LPP: variants seen among roughly 807,000 people sequenced by gnomAD.
The protein encoded by LPP is lipoma-preferred partner.
Under a neutral mutation model 60.4 loss-of-function variants are expected in LPP, and 38 were observed. The ratio of observed to expected loss-of-function variants is 0.63; its 90% CI spans 0.49 to 0.83. LPP has a LOEUF of 0.83. LPP is among the 40% of genes least tolerant of loss of function. The pLI, the probability that LPP is intolerant of heterozygous loss-of-function variation, is 0.00. For missense variants in LPP, 902 were observed against 783.6 expected (o/e 1.15, Z -1.80); for synonymous variants, 328 against 290.8 (o/e 1.13, Z -1.30).
At chr3:188,519,479 G>T (rs372089628) in intron 5 of LPP, among the ~76,000 whole-genome samples, 140 of 152,330 alleles carry the variant, frequency 9.2e-4, no homozygotes, top group African/African-American at 3.2e-3. Context: ...ATTTTATGAT[G>T]TGATCCTTGG....
chr3:188,456,602 C>G (rs1440128558), intron 4 of LPP, among the ~76,000 whole-genome samples: 1 of 152,126 alleles, frequency 6.6e-6, no homozygotes, highest in Non-Finnish European at 1.5e-5. Flanking sequence ...GTAGGTATGC[C>G]TAAAGGCGTG....
Position 188,881,389 on chromosome 3 carries a change from C to G in LPP, c.*6910C>G, listed in dbSNP as rs1392445321. The G allele has an allele frequency of 4.9e-6, 1 of 202,882 alleles. No individual in the cohort carries two copies. The highest frequency in any genetic ancestry group is 1.0e-5 in the Non-Finnish European group (1 of 98,396). 12.6% of individuals were successfully genotyped at this position (202,882 alleles called of 1,614,324 possible). A position where few individuals can be genotyped will look rare whatever the true frequency, so the allele number is the denominator to read the frequency against. ...ATTGACATAGTGTCATGTCCTATCACTCTCTGCTGCTTCTTTAAACAGTGG... is the reference window on the plus strand; with the variant it reads ...ATTGACATAGTGTCATGTCCTATCAGTCTCTGCTGCTTCTTTAAACAGTGG... On this transcript the variant is annotated 3_prime_UTR_variant, in exon 12 of 12. Transcript: ENST00000617246.
At chr3:188,244,070 C>T (rs929640440) in intron 2 of LPP, among the ~76,000 whole-genome samples, 8 of 152,012 alleles carry the variant, frequency 5.3e-5, no homozygotes, top group South Asian at 2.1e-4. Context: ...GGGGTTTCAC[C>T]GTGTTGTGCA....
intron 2 of LPP, among the ~76,000 whole-genome samples, chr3:188,300,016 A>G (rs999207432): frequency 6.6e-6 from 1 of 152,240 alleles, no homozygotes; most frequent in African/African-American, 2.4e-5. Flanking sequence ...TATCATCCCT[A>G]AAACAGAACA....
At chr3:188,346,121 A>G (rs927271956) in intron 3 of LPP, among the ~76,000 whole-genome samples, 1 of 151,934 alleles carries the variant, frequency 6.6e-6, no homozygotes, top group Non-Finnish European at 1.5e-5. Flanking sequence ...GATGGTCATC[A>G]TTATAAGTTC....
intron 2 of LPP, among the ~76,000 whole-genome samples, chr3:188,286,828 C>T (rs1301592505): frequency 4.6e-5 from 7 of 152,078 alleles, no homozygotes; most frequent in South Asian, 2.1e-4. Flanking sequence ...ATTTCAAAAT[C>T]GAGGACACAT....
At chr3:188,825,483 AG>A (rs1451581744) in intron 9 of LPP, among the ~76,000 whole-genome samples, 1 of 152,086 alleles carries the variant, frequency 6.6e-6, no homozygotes, top group Admixed American at 6.6e-5. Context: ...GGTTCAACCC[AG>A]GGGGCTCTTG....
intron 4 of LPP, among the ~76,000 whole-genome samples, chr3:188,478,712 A>T (rs1803903299): frequency 6.6e-6 from 1 of 151,946 alleles, no homozygotes. Flanking sequence ...CCTTTCAAAC[A>T]TATATTTTTT....
intron 4 of LPP, among the ~76,000 whole-genome samples, chr3:188,441,672 G>A (rs962844863): frequency 1.6e-5 from 2 of 126,718 alleles, no homozygotes; most frequent in African/African-American, 6.2e-5. Flanking sequence ...CCAGGCTGGA[G>A]TGCAGTGGTG....
intron 1 of LPP, among the ~76,000 whole-genome samples, chr3:188,168,529 A>C (rs974325898): frequency 6.6e-6 from 1 of 152,206 alleles, no homozygotes; most frequent in East Asian, 1.9e-4. Context: ...CTTAAGTCTA[A>C]ATTCATTCTT....
intron 4 of LPP, among the ~76,000 whole-genome samples, chr3:188,438,805 ACCT>A (rs1317727654): frequency 6.6e-5 from 10 of 152,202 alleles, no homozygotes; most frequent in Admixed American, 6.5e-4. Context: ...TATAGTTGTT[ACCT>A]CATTTATTTA....
In LPP at chr3:188,301,688, A is replaced by G. The variant is rs1749915906; in HGVS notation, c.-66-39975A>G. Among the ~76,000 whole-genome samples, 3 of 151,998 alleles carry G rather than the reference A, an allele frequency of 2.0e-5. No homozygotes were observed. The South Asian group carries it at 6.2e-4, about 31-fold the overall frequency. Reference sequence around the variant, plus strand: ...TTATTTATTATTATTATTATTTGAGACAGAGTCTCACTTTGTTACCCAGGC... The same window carrying G: ...TTATTTATTATTATTATTATTTGAGGCAGAGTCTCACTTTGTTACCCAGGC... On this transcript the variant is annotated intron_variant, in intron 2 of 11. Coordinates refer to ENST00000617246, the MANE Select transcript of LPP (RefSeq NM_001375462.1).
intron 4 of LPP, among the ~76,000 whole-genome samples, chr3:188,428,413 A>G (rs1258014376): frequency 6.6e-6 from 1 of 152,056 alleles, no homozygotes; most frequent in Non-Finnish European, 1.5e-5. Context: ...CTTGGAATCT[A>G]CAAATGTTCC....
chr3:188,485,932 T>A (rs1806374167), intron 5 of LPP, among the ~76,000 whole-genome samples: 1 of 152,050 alleles, frequency 6.6e-6, no homozygotes, highest in African/African-American at 2.4e-5. Flanking sequence ...GGAAGTTTAT[T>A]CTGTTATTCC....
In LPP at chr3:188,752,243, C is replaced by G. The variant is rs1232571753; in HGVS notation, c.1241-7870C>G. Among the ~76,000 whole-genome samples, 2 of 152,136 alleles carry G rather than the reference C, an allele frequency of 1.3e-5. 1 individual carries two copies. Among genetic ancestry groups the G allele is most frequent in the Non-Finnish European group, 2.9e-5 (2 of 68,036 alleles). On this transcript the variant is annotated intron_variant, in intron 8 of 11. Transcript: ENST00000617246. ...TGCAGTGCTTGACAGCAAATAGAAA[C>G]TCACCAAGTGCATTTGTTGAGGGAT...
intron 5 of LPP, among the ~76,000 whole-genome samples, chr3:188,488,475 A>G (rs1807289441): frequency 6.6e-6 from 1 of 152,134 alleles, no homozygotes; most frequent in Non-Finnish European, 1.5e-5. Flanking sequence ...CACTTCAGCA[A>G]TCACTTTATT....
At chr3:188,842,624 A>G (rs1042221170) in intron 9 of LPP, among the ~76,000 whole-genome samples, 2 of 152,122 alleles carry the variant, frequency 1.3e-5, no homozygotes, top group Admixed American at 6.5e-5. Flanking sequence ...CAAATGAGCT[A>G]TAGAATTAAT....
chr3:188,514,363 T>C (rs1816702021), intron 5 of LPP, among the ~76,000 whole-genome samples: 1 of 152,190 alleles, frequency 6.6e-6, no homozygotes, highest in Admixed American at 6.6e-5. Context: ...GGATTGTTAA[T>C]AATTAACCAT....
intron 11 of LPP, among the ~76,000 whole-genome samples, chr3:188,873,030 T>C (rs1327166613): frequency 1.3e-5 from 2 of 152,028 alleles, no homozygotes; most frequent in Non-Finnish European, 2.9e-5. Flanking sequence ...AAATACAAAA[T>C]TGTATATTAA....
Sources: gnomAD v4.1 joint callset for allele counts (sites outside exome capture counted in the v4.1 genomes callset) on GRCh38, gnomAD v4.1.1 for gene constraint, MANE v1.5 for transcripts, NCBI Gene and HGNC (gene_info 2026-07-23, HGNC 2026-07-21) for gene names.